SPINK9: variants seen among roughly 807,000 people sequenced by gnomAD.
The protein encoded by SPINK9 is serine protease inhibitor Kazal-type 9.
SPINK9 carries 3 observed loss-of-function variants against 10.8 expected under a neutral mutation model. The ratio of observed to expected loss-of-function variants is 0.28; its 90% confidence interval spans 0.13 to 0.72. The LOEUF (loss-of-function observed/expected upper bound fraction) is 0.72. SPINK9 is among the 30% of genes least tolerant of loss of function. The probability of loss-of-function intolerance (pLI) is 0.74; values close to 1 mark genes in which losing one functional copy is unlikely to be tolerated. For missense variants in SPINK9, 101 were observed against 103.2 expected, an observed-to-expected ratio of 0.98 and a Z score of 0.09; for synonymous variants, 30 against 31.2, an observed-to-expected ratio of 0.96 and a Z score of 0.12.
intron 2 of SPINK9, among the ~76,000 whole-genome samples, chr5:148,325,290 A>G (rs1344978925): frequency 2.6e-5 from 4 of 152,134 alleles, no homozygotes; most frequent in African/African-American, 9.6e-5. Context: ...TAAATACCTA[A>G]GAGTGGAATT....
intron 3 of SPINK9, 94 bp from the exon 4 acceptor site, chr5:148,339,573 G>C: frequency 9.3e-7 from 1 of 1,077,180 alleles, no homozygotes; most frequent in Non-Finnish European, 1.4e-6. Context: ...GGGGAAACTT[G>C]AATACATTTT....
chr5:148,339,292 T>A (rs1290243073), intron 3 of SPINK9, among the ~76,000 whole-genome samples: 1 of 152,034 alleles, frequency 6.6e-6, no homozygotes, highest in Non-Finnish European at 1.5e-5. Flanking sequence ...TTAAATATTT[T>A]AAAAAATATA....
At chr5:148,332,237 A>G (rs1379308716), upstream of SPINK9, among the ~76,000 whole-genome samples, 1 of 152,234 alleles carries the variant, frequency 6.6e-6, no homozygotes, top group African/African-American at 2.4e-5. Flanking sequence ...GCAACCTCAA[A>G]GCACAGCAGT....
In SPINK9 at chr5:148,327,911, T is replaced by C. The variant is rs547966201; in HGVS notation, c.118+4043T>C. ...CCATGCTGTTTTGGTTACTGTAGCC[T>C]TGTAGTATAGTTTGAAGTCAGGTAG... On this transcript the variant is annotated intron_variant, in intron 2 of 4. Coordinates refer to the SPINK9 transcript ENST00000511717. 4.6e-5 allele frequency among the ~76,000 whole-genome samples: 7 copies of C among 152,288 alleles called. No homozygotes were observed. The East Asian group carries it at 1.4e-3, about 29-fold the overall frequency.
upstream of SPINK9, among the ~76,000 whole-genome samples, chr5:148,334,066 T>C (rs1333335725): frequency 1.3e-5 from 2 of 151,876 alleles, no homozygotes; most frequent in Middle Eastern, 3.2e-3. Context: ...AAGTGGGGAT[T>C]TATAGCCAAG....
At chr5:148,324,879 C>T (rs931524880) in intron 2 of SPINK9, among the ~76,000 whole-genome samples, 2 of 151,960 alleles carry the variant, frequency 1.3e-5, no homozygotes, top group African/African-American at 4.8e-5. Context: ...CTATCTAATG[C>T]CAGGACATTT....
chr5:148,323,720 C>T (rs551446005), exon 2 of SPINK9: 131 of 674,830 alleles, frequency 1.9e-4, no homozygotes, highest in Middle Eastern at 7.0e-4. Flanking sequence ...AGATTTGTCT[C>T]TCTGTGTGAT....
At chr5:148,327,959 T>G (rs1366910061) in intron 2 of SPINK9, among the ~76,000 whole-genome samples, 6 of 150,490 alleles carry the variant, frequency 4.0e-5, no homozygotes, top group Non-Finnish European at 7.5e-5. Flanking sequence ...AGCTTTGTTC[T>G]TTTGGCTTAG....
chr5:148,330,904 C>A (rs182657896), upstream of SPINK9, among the ~76,000 whole-genome samples: 1 of 152,332 alleles, frequency 6.6e-6, no homozygotes. Context: ...AGGATATAAT[C>A]TCCTGTTGTG....
intron 2 of SPINK9, among the ~76,000 whole-genome samples, chr5:148,328,364 CTT>C (rs1329537887): frequency 3.9e-5 from 6 of 152,168 alleles, no homozygotes; most frequent in African/African-American, 1.4e-4. Flanking sequence ...CATCCTGAGA[CTT>C]TGCTGAAGTT....
At chr5:148,328,922 T>C (rs1457459480) in intron 2 of SPINK9, among the ~76,000 whole-genome samples, 7 of 152,202 alleles carry the variant, frequency 4.6e-5, no homozygotes, top group Admixed American at 4.6e-4. Flanking sequence ...TTATTGAGGA[T>C]TTTTGCATCA....
At chr5:148,327,514 T>A (rs574283581) in intron 2 of SPINK9, among the ~76,000 whole-genome samples, 1 of 152,264 alleles carries the variant, frequency 6.6e-6, no homozygotes, top group African/African-American at 2.4e-5. Flanking sequence ...GTTTAATTAG[T>A]TGCCATTTGT....
At chr5:148,335,238 T>C (rs755216812), upstream of SPINK9, among the ~76,000 whole-genome samples, 2 of 152,196 alleles carry the variant, frequency 1.3e-5, no homozygotes, top group Non-Finnish European at 2.9e-5. Context: ...TAAGGAACAA[T>C]TAAAACTTAT....
At chr5:148,321,992 T>C (rs896451066) in intron 1 of SPINK9, among the ~76,000 whole-genome samples, 6 of 152,180 alleles carry the variant, frequency 3.9e-5, no homozygotes, top group African/African-American at 1.4e-4. Flanking sequence ...TTGTGAAATA[T>C]GTTTTATGTT....
chr5:148,335,788 A>G, intron 1 of SPINK9, 120 bp downstream of exon 1: 1 of 1,240,174 alleles, frequency 8.1e-7, no homozygotes. Context: ...ACTTTTTAAA[A>G]TGAATCTTTT....
intron 1 of SPINK9, among the ~76,000 whole-genome samples, chr5:148,322,393 T>G (rs1441932307): frequency 6.6e-6 from 1 of 152,172 alleles, no homozygotes; most frequent in Non-Finnish European, 1.5e-5. Context: ...GCACAAAATA[T>G]ACGTCTTTAC....
intron 2 of SPINK9, among the ~76,000 whole-genome samples, chr5:148,328,477 A>G (rs1233380101): frequency 6.6e-6 from 1 of 152,122 alleles, no homozygotes; most frequent in East Asian, 1.9e-4. Flanking sequence ...CTCTTTTCCT[A>G]ATGGAATGCC....
chr5:148,335,199 T>TA (rs1406815328), upstream of SPINK9, among the ~76,000 whole-genome samples: 1 of 152,202 alleles, frequency 6.6e-6, no homozygotes, highest in African/African-American at 2.4e-5. Context: ...TAGCCTTTAT[T>TA]AAAGAATTCA....
chr5:148,333,527 G>A (rs1757177326), upstream of SPINK9, among the ~76,000 whole-genome samples: 1 of 152,194 alleles, frequency 6.6e-6, no homozygotes, highest in South Asian at 2.1e-4. Flanking sequence ...CAAATTCAGG[G>A]ACAGCTTATG....
Sources: gnomAD v4.1 joint callset for allele counts (sites outside exome capture counted in the v4.1 genomes callset) on GRCh38, gnomAD v4.1.1 for gene constraint, MANE v1.5 for transcripts, NCBI Gene and HGNC (gene_info 2026-07-23, HGNC 2026-07-21) for gene names.